ELAVL2: variants seen among roughly 807,000 people sequenced by gnomAD.
The protein encoded by ELAVL2 is ELAV-like protein 2.
A neutral mutation model predicts 34.6 loss-of-function variants in ELAVL2; 4 were observed. The observed-to-expected ratio is 0.12, with a 90% CI of 0.06 to 0.26. The LOEUF is 0.26. Ranked by LOEUF, ELAVL2 falls within the 10% of genes least tolerant of loss-of-function variation. The pLI, the probability that ELAVL2 is intolerant of heterozygous loss-of-function variation, is 1.00. For missense variants in ELAVL2, 432 were observed against 442.8 expected, an observed-to-expected ratio of 0.98 and a Z score of 0.22; for synonymous variants, 193 against 154.8, an observed-to-expected ratio of 1.25 and a Z score of -1.83.
intron 1 of ELAVL2, among the ~76,000 whole-genome samples, chr9:23,819,192 G>C (rs1304562699): frequency 6.6e-6 from 1 of 152,104 alleles, no homozygotes. Context: ...ATAATCAAAA[G>C]GTTGATTCAA....
intron 1 of ELAVL2, among the ~76,000 whole-genome samples, chr9:23,810,528 T>C (rs956878734): frequency 2.0e-5 from 3 of 152,168 alleles, no homozygotes; most frequent in Non-Finnish European, 4.4e-5. Flanking sequence ...ACCATTTTAT[T>C]TCAAAACACC....
intron 2 of ELAVL2, among the ~76,000 whole-genome samples, chr9:23,733,792 C>T (rs1020785939): frequency 6.6e-6 from 1 of 152,148 alleles, no homozygotes; most frequent in African/African-American, 2.4e-5. Flanking sequence ...GAATGAGAAA[C>T]TTACTGATGT....
chr9:23,721,053 A>G (rs571435172), intron 3 of ELAVL2, among the ~76,000 whole-genome samples: 14 of 152,352 alleles, frequency 9.2e-5, no homozygotes, highest in South Asian at 6.2e-4. Context: ...TAGATAGCTC[A>G]TAACAACCAC....
intron 1 of ELAVL2, among the ~76,000 whole-genome samples, chr9:23,772,961 G>C (rs1476130931): frequency 6.6e-6 from 1 of 152,024 alleles, no homozygotes; most frequent in Non-Finnish European, 1.5e-5. Context: ...CCCAAAGACA[G>C]CTTTCTTTAA....
At chr9:23,741,948 G>A (rs573009297) in intron 2 of ELAVL2, among the ~76,000 whole-genome samples, 9 of 152,116 alleles carry the variant, frequency 5.9e-5, no homozygotes, top group Non-Finnish European at 1.2e-4. Flanking sequence ...CCTGGGTTCG[G>A]TTACAGGCCT....
chr9:23,739,982 C>T (rs566553961), intron 2 of ELAVL2, among the ~76,000 whole-genome samples: 2 of 152,154 alleles, frequency 1.3e-5, no homozygotes, highest in East Asian at 1.9e-4. Context: ...TTGTCAAGAA[C>T]GGGAAACTAT....
At chr9:23,817,539 G>A (rs117529268) in intron 1 of ELAVL2, among the ~76,000 whole-genome samples, 1 of 152,208 alleles carries the variant, frequency 6.6e-6, no homozygotes, top group East Asian at 1.9e-4. Context: ...TTTTTATTAA[G>A]ACCAATCTCT....
chr9:23,757,100 G>A (rs553250497), intron 2 of ELAVL2, among the ~76,000 whole-genome samples: 6 of 152,070 alleles, frequency 3.9e-5, no homozygotes, highest in East Asian at 3.9e-4. Flanking sequence ...GGGTACCACC[G>A]GGCTAGAATA....
At chr9:23,836,822 A>G in the ELAVL2 span, among the ~76,000 whole-genome samples, 1 of 152,148 alleles carries the variant, frequency 6.6e-6, no homozygotes, top group Non-Finnish European at 1.5e-5. Flanking sequence ...GTGGTACCAC[A>G]TTATGCTGGC....
chr9:23,695,053 T>A (rs1587179301), intron 5 of ELAVL2, among the ~76,000 whole-genome samples: 1 of 152,204 alleles, frequency 6.6e-6, no homozygotes, highest in African/African-American at 2.4e-5. Context: ...GATGACCTTG[T>A]CTGCACATAA....
At chr9:23,756,261 T>A (rs963020718) in intron 2 of ELAVL2, among the ~76,000 whole-genome samples, 2 of 152,214 alleles carry the variant, frequency 1.3e-5, no homozygotes, top group Non-Finnish European at 2.9e-5. Flanking sequence ...TAAGGCGTGC[T>A]GGGGCATGGC....
At chr9:23,761,323 C>T (rs2054942040) in intron 2 of ELAVL2, among the ~76,000 whole-genome samples, 1 of 152,036 alleles carries the variant, frequency 6.6e-6, no homozygotes, top group African/African-American at 2.4e-5. Context: ...ATTAACCCTT[C>T]TATCCCAAGA....
At chr9:23,711,624 G>A (rs577890394) in intron 3 of ELAVL2, among the ~76,000 whole-genome samples, 1 of 152,228 alleles carries the variant, frequency 6.6e-6, no homozygotes, top group Admixed American at 6.5e-5. Context: ...AGTCCCTAAA[G>A]TCAACACTAA....
At chr9:23,759,754 TTATATATATATATATATATATATATA>T (rs774471922) in intron 2 of ELAVL2, among the ~76,000 whole-genome samples, 2 of 81,344 alleles carry the variant, frequency 2.5e-5, no homozygotes, top group African/African-American at 4.3e-5. Context: ...ATATATAGTA[TTATATATATATATATATATATATATA>T]TATATATATA....
chr9:23,769,084 C>G (rs1359436272), intron 1 of ELAVL2, among the ~76,000 whole-genome samples: 1 of 152,130 alleles, frequency 6.6e-6, no homozygotes, highest in Non-Finnish European at 1.5e-5. Context: ...CACACCAGGA[C>G]AGAATCAGCC....
At chr9:23,804,065 G>C (rs1444883811) in intron 1 of ELAVL2, among the ~76,000 whole-genome samples, 1 of 152,084 alleles carries the variant, frequency 6.6e-6, no homozygotes, top group East Asian at 1.9e-4. Context: ...ATCAGCTTTT[G>C]AAGTAATTAG....
intron 2 of ELAVL2, among the ~76,000 whole-genome samples, chr9:23,741,947 G>T (rs112289947): frequency 6.6e-6 from 1 of 152,092 alleles, no homozygotes; most frequent in Admixed American, 6.6e-5. Flanking sequence ...ACCTGGGTTC[G>T]GTTACAGGCC....
At chr9:23,807,097 GT>G (rs2062336116) in intron 1 of ELAVL2, among the ~76,000 whole-genome samples, 1 of 152,060 alleles carries the variant, frequency 6.6e-6, no homozygotes, top group South Asian at 2.1e-4. Flanking sequence ...GGCATGCAAA[GT>G]TTTTATTATC....
intron 2 of ELAVL2, among the ~76,000 whole-genome samples, chr9:23,754,488 T>C (rs1449036398): frequency 6.6e-6 from 1 of 152,108 alleles, no homozygotes; most frequent in Non-Finnish European, 1.5e-5. Context: ...AGTCTTGCTC[T>C]GTCACACAGG....
Sources: gnomAD v4.1 joint callset for allele counts (sites outside exome capture counted in the v4.1 genomes callset) on GRCh38, gnomAD v4.1.1 for gene constraint, MANE v1.5 for transcripts, NCBI Gene and HGNC (gene_info 2026-07-23, HGNC 2026-07-21) for gene names.